The following APOO variants were observed in gnomAD, a reference collection of about 807,000 sequenced individuals.
APOO encodes the protein apolipoprotein O, also known as MICOS complex subunit MIC26.
In APOO, 11 loss-of-function variants were observed where a neutral mutation model predicts 23.1. The observed-to-expected ratio is 0.48, with a 90% CI of 0.30 to 0.79. The LOEUF is 0.79. Among genes scored for constraint, APOO ranks in the 30% least tolerant of loss-of-function variants. APOO has a pLI of 0.07. For synonymous variants in APOO, 59 were observed against 54.8 expected (o/e 1.08, Z -0.34); for missense variants, 160 against 142.7 (o/e 1.12, Z -0.62).
At position 23,907,821 on chromosome X, in the gene APOO, G is replaced by T; in HGVS notation, c.-119C>A. Reference sequence around the variant, plus strand: ...TCTCCAACCGCAAGCAGGCAGCGGTGCGGGTGACGGCCGTACTGCAAACTC... The same window carrying T: ...TCTCCAACCGCAAGCAGGCAGCGGTTCGGGTGACGGCCGTACTGCAAACTC... On this transcript the variant is annotated 5_prime_UTR_variant, in exon 1 of 9. Transcript: ENST00000379226. 2 of 828,932 alleles carry T rather than the reference G, an allele frequency of 2.4e-6. No homozygotes were observed. The highest frequency in any genetic ancestry group is 3.3e-6 in the Non-Finnish European group (2 of 605,742). 68.3% of individuals were successfully genotyped at this position (828,932 alleles called of 1,213,427 possible).
chrX:23,846,217 G>A (rs771176738), intron 7 of APOO, among the ~76,000 whole-genome samples: 5 of 107,395 alleles, frequency 4.7e-5, no homozygotes, highest in African/African-American at 1.4e-4. Flanking sequence ...AGGCTGAGGC[G>A]GAAGAATCGC....
At chrX:23,871,621 T>C (rs1339203722) in intron 4 of APOO, among the ~76,000 whole-genome samples, 1 of 111,238 alleles carries the variant, frequency 9.0e-6, no homozygotes, top group Non-Finnish European at 1.9e-5. Flanking sequence ...ACTTCAGAAG[T>C]CCTTCCCTGA....
chrX:23,901,300 G>A (rs1927122651), intron 1 of APOO, among the ~76,000 whole-genome samples: 1 of 111,758 alleles, frequency 8.9e-6, no homozygotes, highest in Non-Finnish European at 1.9e-5. Context: ...TTGCCCTGGA[G>A]GCTTCAGTTA....
intron 8 of APOO, 34 bp downstream of exon 8, chrX:23,840,279 C>G: frequency 2.0e-6 from 2 of 984,195 alleles, no homozygotes; most frequent in South Asian, 2.7e-5. Context: ...CACTACAATG[C>G]TGAAAATAAT....
In APOO at chrX:23,840,324, G is replaced by C. The variant is rs1923907445; in HGVS notation, c.*18C>G. On this transcript the variant is annotated 3_prime_UTR_variant, in exon 8 of 9. Coordinates refer to ENST00000379226, the MANE Select transcript of APOO (RefSeq NM_024122.5). ...TTCTTGTTTTTTACCTGATTAAGAT[G>C]GCAGAGCATGGAGTTTTCTACTTAG... 2 of 1,183,003 alleles carry C rather than the reference G, an allele frequency of 1.7e-6. No homozygotes were observed. Among genetic ancestry groups the C allele is most frequent in the South Asian group, 2.0e-5 (1 of 51,106 alleles).
chrX:23,840,258 A>G, intron 8 of APOO, 55 bp downstream of exon 8: 1 of 712,286 alleles, frequency 1.4e-6, no homozygotes, highest in Non-Finnish European at 2.0e-6. Context: ...AAAACAAGTC[A>G]TTTCAGCTGG....
intron 5 of APOO, among the ~76,000 whole-genome samples, chrX:23,867,932 C>T (rs181884550): frequency 5.4e-4 from 60 of 112,134 alleles, no homozygotes; most frequent in Non-Finnish European, 9.6e-4. Flanking sequence ...CTCTATGGTT[C>T]TCTTTTACAG....
intron 5 of APOO, among the ~76,000 whole-genome samples, chrX:23,865,986 T>G (rs778805524): frequency 1.2e-3 from 134 of 111,808 alleles, no homozygotes; most frequent in African/African-American, 3.9e-3. Context: ...CTCATGCTGC[T>G]GCTCTGGCCA....
intron 6 of APOO, among the ~76,000 whole-genome samples, chrX:23,856,890 C>A (rs747457003): frequency 8.9e-6 from 1 of 112,983 alleles, no homozygotes; most frequent in Non-Finnish European, 1.9e-5. Context: ...GGTACTTATA[C>A]ACCACAGAAT....
intron 5 of APOO, among the ~76,000 whole-genome samples, chrX:23,865,234 T>A (rs770956815): frequency 2.7e-5 from 3 of 111,094 alleles, no homozygotes; most frequent in Non-Finnish European, 5.7e-5. Context: ...TTCACCTCTC[T>A]GAGAGCCTCT....
At chrX:23,881,947 C>CAAAAAAAAAA (rs56820853) in intron 1 of APOO, among the ~76,000 whole-genome samples, 1 of 31,812 alleles carries the variant, frequency 3.1e-5, no homozygotes, top group African/African-American at 1.4e-4. Flanking sequence ...GACTCCACCT[C>CAAAAAAAAAA]AAAAAAAAAA....
At chrX:23,850,570 T>TA (rs1419548296) in intron 7 of APOO, among the ~76,000 whole-genome samples, 1 of 111,972 alleles carries the variant, frequency 8.9e-6, no homozygotes, top group African/African-American at 3.2e-5. Flanking sequence ...CTCATGCCTG[T>TA]AATCCCAACA....
At chrX:23,853,056 G>A (rs768663838) in intron 7 of APOO, among the ~76,000 whole-genome samples, 41 of 110,011 alleles carry the variant, frequency 3.7e-4, no homozygotes, top group Non-Finnish European at 7.0e-4. Context: ...TCAGGAGTTC[G>A]AGGCCAGCCT....
Position 23,907,792 on chromosome X carries a change from G to C in APOO, c.-90C>G. 9.8e-7 allele frequency: 1 copy of C among 1,021,333 alleles called. No homozygotes were observed. 84.2% of individuals were successfully genotyped at this position (1,021,333 alleles called of 1,213,427 possible). On this transcript the variant is annotated 5_prime_UTR_variant, in exon 1 of 9. The change creates a new upstream start codon in the 5' untranslated region. Coordinates refer to ENST00000379226, the MANE Select transcript of APOO (RefSeq NM_024122.5). ...GACTACGGAGGCCCGGTAGGGCCTT[G>C]ATTTCTCCAACCGCAAGCAGGCAGC...
chrX:23,872,449 A>T (rs1286686888), intron 4 of APOO, among the ~76,000 whole-genome samples: 1 of 108,041 alleles, frequency 9.3e-6, no homozygotes, highest in African/African-American at 3.4e-5. Flanking sequence ...ATAAAAGACT[A>T]TATCAGGAGT....
intron 1 of APOO, among the ~76,000 whole-genome samples, chrX:23,894,372 T>C (rs1396921080): frequency 9.0e-6 from 1 of 110,672 alleles, no homozygotes; most frequent in African/African-American, 3.3e-5. Context: ...CTCAAACTCC[T>C]GACCTCAGGC....
rs138649700 is a variant in APOO at position 23,867,267 on chromosome X, C to T, written c.388+1326G>A. 5.2e-3 allele frequency among the ~76,000 whole-genome samples: 578 copies of T among 111,614 alleles called. 1 individual carries two copies. The highest frequency in any genetic ancestry group is 9.2e-3 in the Non-Finnish European group (487 of 53,055). On this transcript the variant is annotated intron_variant, in intron 5 of 8. Coordinates refer to ENST00000379226, the MANE Select transcript of APOO (RefSeq NM_024122.5). ...TAAATCTCATGTTGAAATGTGAACC[C>T]CCACGCTGGGAGGTGTTTGGGTCAT...
At chrX:23,846,572 G>A (rs1435036714) in intron 7 of APOO, among the ~76,000 whole-genome samples, 2 of 95,172 alleles carry the variant, frequency 2.1e-5, no homozygotes, top group African/African-American at 7.9e-5. Flanking sequence ...CAGTGAACGC[G>A]ATCGCACCAC....
intron 1 of APOO, among the ~76,000 whole-genome samples, chrX:23,889,810 A>G (rs5925959): frequency 0.14 from 15,352 of 108,610 alleles, 1,068 homozygotes; most frequent in East Asian, 0.53. Context: ...TACAGGCACC[A>G]GCCACCACGC....
Sources: allele counts gnomAD v4.1 joint callset (sites outside exome capture counted in the v4.1 genomes callset), GRCh38; gene constraint gnomAD v4.1.1; transcripts MANE v1.5; gene names NCBI Gene and HGNC (gene_info 2026-07-23, HGNC 2026-07-21).